The following ALMS1 variants were observed in gnomAD, a reference collection of about 807,000 sequenced individuals.
ALMS1 encodes the protein centrosome-associated protein ALMS1.
In ALMS1, 271 loss-of-function variants were observed where a neutral mutation model predicts 352.2. The ratio of observed to expected loss-of-function variants is 0.77; its 90% CI spans 0.70 to 0.85. The LOEUF (loss-of-function observed/expected upper bound fraction) is 0.85, where lower values mean the gene tolerates loss of function less well. Ranked by LOEUF, ALMS1 falls within the 40% of genes least tolerant of loss-of-function variation. The probability of loss-of-function intolerance (pLI) is 0.00; values close to 1 mark genes in which losing one functional copy is unlikely to be tolerated. For missense variants in ALMS1, 5,445 were observed against 4,870.7 expected (o/e 1.12, Z -3.51); for synonymous variants, 1,865 against 1,761.2 (o/e 1.06, Z -1.48).
chr2:73,550,155 T>C, intron 12 of ALMS1, 112 bp from the exon 13 acceptor site: 7 of 1,122,124 alleles, frequency 6.2e-6, no homozygotes, highest in Non-Finnish European at 9.1e-6. Flanking sequence ...CCATCGTGCC[T>C]GGCCTGTAGT....
chr2:73,396,623 T>C (rs184049680), intron 1 of ALMS1, among the ~76,000 whole-genome samples: 1 of 146,766 alleles, frequency 6.8e-6, no homozygotes, highest in Non-Finnish European at 1.5e-5. Context: ...TTTCTTCTTA[T>C]GGGTCTATTC....
rs1320005523 is a variant in ALMS1 at position 73,448,606 on chromosome 2, G to C, written c.2079G>C (p.Leu693=). The change falls in exon 8 of 23, where the codon CTG becomes CTC. Residue 693 remains leucine (L), a synonymous_variant. Transcript: ENST00000613296. The part of the protein sequence containing the change: ...LPDGHLTDQA[L]KVSAVSGPAD... ...ATGGTCATCTAACTGATCAGGCTCT[G>C]AAAGTCTCAGCTGTGTCTGGACCAG... The C allele has an allele frequency of 7.4e-6, 12 of 1,613,648 alleles. No homozygotes were observed. In the South Asian group the frequency reaches 1.1e-4, roughly 15 times the overall value.
At chr2:73,424,183 A>G (rs757112220) in intron 4 of ALMS1, among the ~76,000 whole-genome samples, 1 of 152,124 alleles carries the variant, frequency 6.6e-6, no homozygotes, top group African/African-American at 2.4e-5. Context: ...TTCTGTGTCT[A>G]TTGTTTTAGG....
At chr2:73,554,977 A>C (rs905287343) in intron 13 of ALMS1, among the ~76,000 whole-genome samples, 2 of 152,232 alleles carry the variant, frequency 1.3e-5, no homozygotes, top group Non-Finnish European at 2.9e-5. Context: ...ATGTAAAACT[A>C]TTTTAAGAGA....
chr2:73,607,271 GTTTGGT>G, intron 21 of ALMS1, among the ~76,000 whole-genome samples: 1 of 151,980 alleles, frequency 6.6e-6, no homozygotes, highest in Non-Finnish European at 1.5e-5. Context: ...TGAAACTTTT[GTTTGGT>G]ATACATGAAA....
Position 73,603,266 on chromosome 2 carries a change from G to A in ALMS1, c.12324G>A (p.Lys4108=). Residue 4108 remains lysine, a synonymous_variant, in exon 21 of 23, where the codon AAG becomes AAA. Coordinates refer to ENST00000613296, the MANE Select transcript of ALMS1 (RefSeq NM_001378454.1). ...TCTTCCTGGCTATCCAGAAGAACAA[G>A]CCTATCAGCAAGAAGGAAATGATTC... is the stretch of plus-strand genomic sequence containing the variant. ...KRVFLAIQKN[K]PISKKEMIQR... 1 of 1,614,132 alleles carries A rather than the reference G, an allele frequency of 6.2e-7. No homozygotes were observed. The highest frequency in any genetic ancestry group is 8.5e-7 in the Non-Finnish European group (1 of 1,180,006).
chr2:73,516,530 A>G (rs1337006217), intron 10 of ALMS1, among the ~76,000 whole-genome samples: 1 of 152,238 alleles, frequency 6.6e-6, no homozygotes, highest in Non-Finnish European at 1.5e-5. Flanking sequence ...TAGCAAAGAC[A>G]TGGAATACAA....
intron 9 of ALMS1, among the ~76,000 whole-genome samples, chr2:73,480,093 T>C (rs1054274537): frequency 6.6e-6 from 1 of 151,964 alleles, no homozygotes. Context: ...TTTATTATTA[T>C]ACTTTAAGTT....
chr2:73,496,079 G>A (rs1050279823), intron 10 of ALMS1, among the ~76,000 whole-genome samples: 2 of 152,140 alleles, frequency 1.3e-5, no homozygotes, highest in African/African-American at 4.8e-5. Flanking sequence ...AGATTCATTA[G>A]TCACATTCTG....
intron 9 of ALMS1, among the ~76,000 whole-genome samples, chr2:73,485,883 C>T (rs1402841633): frequency 6.6e-6 from 1 of 152,188 alleles, no homozygotes; most frequent in Non-Finnish European, 1.5e-5. Flanking sequence ...AGGGAACTCC[C>T]TGACCCCTTG....
At chr2:73,554,242 AAATT>A (rs966207368) in intron 13 of ALMS1, among the ~76,000 whole-genome samples, 7 of 152,150 alleles carry the variant, frequency 4.6e-5, no homozygotes, top group South Asian at 2.1e-4. Context: ...AAAAAAAAAA[AAATT>A]AAAGGTAGAT....
rs536299809 is a variant in ALMS1, at chr2:73,433,363, A to G, written c.1432+1072A>G. ...GTTGATCACCTATTGGTTTCAGCCTACATAGGGAAAGAGAAGCCAGAAGAG... is the reference window on the plus strand; with the variant it reads ...GTTGATCACCTATTGGTTTCAGCCTGCATAGGGAAAGAGAAGCCAGAAGAG... On this transcript the variant is annotated intron_variant, in intron 7 of 22. Transcript: ENST00000613296. 2.0e-5 allele frequency among the ~76,000 whole-genome samples: 3 copies of G among 152,334 alleles called. No homozygotes were observed. The South Asian group carries it at 6.2e-4, about 32-fold the overall frequency.
Position 73,448,135 on chromosome 2 carries a change from T to A in ALMS1, c.1608T>A (p.Thr536=). Residue 536 remains threonine, a synonymous_variant, in exon 8 of 23, where the codon ACT becomes ACA. Coordinates refer to ENST00000613296, the MANE Select transcript of ALMS1 (RefSeq NM_001378454.1). ...CTACTACTGGTCAACACACTGATAC[T>A]CTCAACCAAAAGACATTAGCAGATA... ...LETTTGQHTD[T]LNQKTLADTH... is the part of the protein sequence containing the mutation. 6.2e-7 allele frequency: 1 copy of A among 1,613,964 alleles called. No individual in the cohort carries two copies. Among genetic ancestry groups the A allele is most frequent in the Non-Finnish European group, 8.5e-7 (1 of 1,179,910 alleles).
chr2:73,467,900 A>G (rs550871463), intron 9 of ALMS1, among the ~76,000 whole-genome samples: 2 of 152,190 alleles, frequency 1.3e-5, no homozygotes, highest in South Asian at 2.1e-4. Flanking sequence ...GAGAAAAGTG[A>G]TAAGAATGGT....
intron 15 of ALMS1, among the ~76,000 whole-genome samples, chr2:73,568,404 A>G (rs1398432876): frequency 6.6e-6 from 1 of 152,248 alleles, no homozygotes; most frequent in Non-Finnish European, 1.5e-5. Context: ...CTAGAAAAAT[A>G]AAATGAAGCT....
chr2:73,460,702 T>G (rs1303131984), intron 9 of ALMS1, among the ~76,000 whole-genome samples: 1 of 152,010 alleles, frequency 6.6e-6, no homozygotes, highest in Non-Finnish European at 1.5e-5. Flanking sequence ...AAGAAAGGGG[T>G]GACAGACGGC....
At chr2:73,386,334 GC>G in intron 1 of ALMS1, 142 bp downstream of exon 1, 1 of 1,203,604 alleles carries the variant, frequency 8.3e-7, no homozygotes, top group Non-Finnish European at 1.1e-6. Flanking sequence ...CCAGACTCCA[GC>G]CCAGGTGCCG....
intron 9 of ALMS1, among the ~76,000 whole-genome samples, chr2:73,485,334 G>C (rs981563099): frequency 5.3e-5 from 8 of 152,076 alleles, no homozygotes; most frequent in Non-Finnish European, 1.0e-4. Flanking sequence ...ATACCCTGCC[G>C]TGTGAGGTGT....
Position 73,453,216 on chromosome 2 carries a change from GA to G in ALMS1, c.6690del (p.Val2231LeufsTer2), listed in dbSNP as rs1553404305. On this transcript the variant is annotated frameshift_variant, in exon 8 of 23. Transcript: ENST00000613296. LOFTEE classifies it high-confidence loss of function. The part of the protein sequence containing the change: ...NVLLNSQADD[R>X]VVINKPESAG... ...CTTTTAAATTCTCAGGCTGATGACA[GA>G]GTTGTAATAAATAAACCAGAATCTG... The G allele has an allele frequency of 1.2e-6, 2 of 1,614,004 alleles. No homozygotes were observed. Among genetic ancestry groups the G allele is most frequent in the Non-Finnish European group, 1.7e-6 (2 of 1,179,980 alleles).
Sources: allele counts gnomAD v4.1 joint callset (sites outside exome capture counted in the v4.1 genomes callset), GRCh38; gene constraint gnomAD v4.1.1; transcripts MANE v1.5; gene names NCBI Gene and HGNC (gene_info 2026-07-23, HGNC 2026-07-21).